Variants in FBN1 observed in about 807,000 individuals in gnomAD.
The protein encoded by FBN1 is fibrillin 1, also known as fibrillin-1.
A neutral mutation model predicts 365.1 loss-of-function variants in FBN1; 29 were observed. That is an observed-to-expected ratio of 0.08 (90% CI 0.06 to 0.11). The LOEUF (loss-of-function observed/expected upper bound fraction) is 0.11. Ranked by LOEUF, FBN1 falls within the 10% of genes least tolerant of loss-of-function variation. The pLI, the probability that FBN1 is intolerant of heterozygous loss-of-function variation, is 1.00. For missense variants in FBN1, 2,476 were observed against 3,703.2 expected, an observed-to-expected ratio of 0.67 and a Z score of 8.60; for synonymous variants, 1,210 against 1,270.5, an observed-to-expected ratio of 0.95 and a Z score of 1.01.
At chr15:48,417,216 A>G (rs2042908999) in intron 63 of FBN1, among the ~76,000 whole-genome samples, 1 of 152,228 alleles carries the variant, frequency 6.6e-6, no homozygotes, top group African/African-American at 2.4e-5. Flanking sequence ...ATTTATAAAG[A>G]AAAATAATGT....
intron 56 of FBN1, among the ~76,000 whole-genome samples, chr15:48,430,293 T>G (rs555838886): frequency 6.6e-6 from 1 of 152,330 alleles, no homozygotes; most frequent in South Asian, 2.1e-4. Context: ...TATTCCTGAT[T>G]CAGAGGTACC....
chr15:48,418,274 A>C (rs1429402960), intron 63 of FBN1, among the ~76,000 whole-genome samples: 1 of 152,200 alleles, frequency 6.6e-6, no homozygotes, highest in Non-Finnish European at 1.5e-5. Context: ...GAAAGAGAGA[A>C]GGCTAGATCT....
intron 35 of FBN1, among the ~76,000 whole-genome samples, chr15:48,471,276 T>C (rs2043374764): frequency 6.6e-6 from 1 of 152,150 alleles, no homozygotes; most frequent in Non-Finnish European, 1.5e-5. Flanking sequence ...TGTCTCTGCC[T>C]CCTGTTAACA....
At chr15:48,636,022 C>T (rs1026456358) in intron 2 of FBN1, among the ~76,000 whole-genome samples, 1 of 152,226 alleles carries the variant, frequency 6.6e-6, no homozygotes, top group Non-Finnish European at 1.5e-5. Context: ...TCTATTGCCT[C>T]ACAGTGGTAG....
At position 48,448,182 on chromosome 15, in the gene FBN1, G is replaced by A. The variant is rs184890720; in HGVS notation, c.5671+586C>T. On this transcript the variant is annotated intron_variant, in intron 46 of 65. Coordinates refer to ENST00000316623, the MANE Select transcript of FBN1 (RefSeq NM_000138.5). ...TGTGAATCTGATTTATGTTCTTAAT[G>A]TCCCAAAAAGACTTAATGGTATTGC... 2.0e-5 allele frequency among the ~76,000 whole-genome samples: 3 copies of A among 150,250 alleles called. No individual in the cohort carries two copies. In the East Asian group the frequency reaches 5.8e-4, roughly 29 times the overall value.
Position 48,513,763 on chromosome 15 carries a change from C to T in FBN1, c.1469-95G>A, listed in dbSNP as rs11857671. On this transcript the variant is annotated intron_variant, in intron 12 of 65. Transcript: ENST00000316623. ...TCCTTTTATACATATAAAACATTTT[C>T]CTTTTGAGAAATAAATAACATAATA... is the stretch of plus-strand genomic sequence containing the variant. 8,831 of 1,394,558 alleles carry T rather than the reference C, an allele frequency of 6.3e-3. 33 individuals are homozygous for T. The highest frequency in any genetic ancestry group is 7.9e-3 in the Non-Finnish European group (7,875 of 1,002,330). 86.4% of individuals were successfully genotyped at this position (1,394,558 alleles called of 1,614,324 possible). A position where few individuals can be genotyped will look rare whatever the true frequency, so the allele number is the denominator to read the frequency against.
Position 48,412,583 on chromosome 15 carries a change from C to A in FBN1, c.8212G>T (p.Ala2738Ser), listed in dbSNP as rs1313235916. ...RKRRSTNETD[A>S]SNIEDQSETE... ...TTCTGACCCACCTCGATATTGGAGG[C>A]ATCAGTTTCGTTTGTGCTTCTCCGT... is the stretch of plus-strand genomic sequence containing the variant. Residue 2738 changes from alanine to serine, a missense_variant, in exon 65 of 66, where the codon GCC becomes TCC. Physicochemically the swap from Ala to Ser is moderately conservative, Grantham distance 99 (BLOSUM62 1). Transcript: ENST00000316623. 6.2e-7 allele frequency: 1 copy of A among 1,614,100 alleles called. No individual in the cohort carries two copies. The highest frequency in any genetic ancestry group is 1.7e-5 in the Admixed American group (1 of 60,026).
chr15:48,428,205 T>C (rs1220725977), intron 57 of FBN1, 141 bp downstream of exon 57: 10 of 1,075,022 alleles, frequency 9.3e-6, no homozygotes, highest in African/African-American at 4.7e-5. Context: ...ATCACAGTCA[T>C]TACGGCATCT....
At chr15:48,625,597 A>G (rs749691131) in intron 2 of FBN1, among the ~76,000 whole-genome samples, 4 of 152,212 alleles carry the variant, frequency 2.6e-5, no homozygotes, top group Admixed American at 2.6e-4. Context: ...GAGAGTTCTC[A>G]TCCTCGATGC....
rs561912510 is a variant in FBN1 at position 48,432,034 on chromosome 15, A to T, written c.6739+832T>A. 2.6e-5 allele frequency among the ~76,000 whole-genome samples: 4 copies of T among 152,266 alleles called. 1 individual carries two copies. The South Asian group carries it at 8.3e-4, about 32-fold the overall frequency. On this transcript the variant is annotated intron_variant, in intron 55 of 65. Transcript: ENST00000316623. Reference sequence around the variant, plus strand: ...GACTATTTTATATTATATATCTCAAATATCTTATTCTCTACTGGTTCTTCC... The same window carrying T: ...GACTATTTTATATTATATATCTCAATTATCTTATTCTCTACTGGTTCTTCC...
rs550129261 is a variant in FBN1 at position 48,422,769 on chromosome 15, G to A, written c.7454-701C>T. Among the ~76,000 whole-genome samples the A allele has an allele frequency of 5.4e-4, 83 of 152,294 alleles. 1 individual carries two copies. The highest frequency in any genetic ancestry group is 3.1e-3 in the Admixed American group (47 of 15,294). On this transcript the variant is annotated intron_variant, in intron 60 of 65. Coordinates refer to ENST00000316623, the MANE Select transcript of FBN1 (RefSeq NM_000138.5). ...GAGCTCACGAGTTTGAGACCAGCCT[G>A]GGCAACATGGCAAAACCTGTCTCTA...
At chr15:48,446,286 T>TGA (rs1010203323) in intron 47 of FBN1, among the ~76,000 whole-genome samples, 74 of 151,930 alleles carry the variant, frequency 4.9e-4, no homozygotes, top group Admixed American at 1.9e-3. Flanking sequence ...TAAAATATTT[T>TGA]GAGAGAGAGA....
chr15:48,484,034 T>G (rs2043486477), intron 30 of FBN1, 91 bp from the exon 31 acceptor site: 2 of 1,279,908 alleles, frequency 1.6e-6, no homozygotes, highest in Non-Finnish European at 2.2e-6. Flanking sequence ...CAAATAAACT[T>G]AGCCTACTAG....
At chr15:48,628,353 A>T (rs1406640279) in intron 2 of FBN1, among the ~76,000 whole-genome samples, 1 of 152,196 alleles carries the variant, frequency 6.6e-6, no homozygotes, top group East Asian at 1.9e-4. Flanking sequence ...TGAAGGTACA[A>T]AAATTCACTT....
chr15:48,484,042 T>A, intron 30 of FBN1, 99 bp from the exon 31 acceptor site: 1 of 1,207,972 alleles, frequency 8.3e-7, no homozygotes, highest in Admixed American at 1.8e-5. Flanking sequence ...CTTAGCCTAC[T>A]AGCATAAGAC....
At chr15:48,554,864 T>C (rs999709962) in intron 6 of FBN1, among the ~76,000 whole-genome samples, 2 of 152,230 alleles carry the variant, frequency 1.3e-5, no homozygotes, top group East Asian at 3.8e-4. Context: ...GGGATGATAA[T>C]AGGGTGTTTG....
chr15:48,437,480 G>A, intron 51 of FBN1, 93 bp from the exon 52 acceptor site: 1 of 1,105,476 alleles, frequency 9.0e-7, no homozygotes, highest in Non-Finnish European at 1.4e-6. Context: ...GCTACATGCT[G>A]TGCATATTGA....
At chr15:48,531,699 G>A (rs1227665508) in intron 8 of FBN1, among the ~76,000 whole-genome samples, 2 of 152,180 alleles carry the variant, frequency 1.3e-5, no homozygotes, top group African/African-American at 4.8e-5. Flanking sequence ...AACCGGAAAA[G>A]AGCAAGGACG....
intron 53 of FBN1, among the ~76,000 whole-genome samples, chr15:48,435,674 G>T (rs1449331882): frequency 6.6e-6 from 1 of 150,498 alleles, no homozygotes; most frequent in East Asian, 2.0e-4. Context: ...AAATGTGTGT[G>T]TGTGTGTGTG....
Sources: allele counts gnomAD v4.1 joint callset (sites outside exome capture counted in the v4.1 genomes callset), GRCh38; gene constraint gnomAD v4.1.1; transcripts MANE v1.5; gene names NCBI Gene and HGNC (gene_info 2026-07-23, HGNC 2026-07-21).